The following OXR1 variants were observed in gnomAD, a reference collection of about 807,000 sequenced individuals.
OXR1 encodes the protein oxidation resistance protein 1.
Under a neutral mutation model 104.6 loss-of-function variants are expected in OXR1, and 41 were observed. The ratio of observed to expected loss-of-function variants is 0.39; its 90% confidence interval spans 0.31 to 0.51. OXR1 has a LOEUF of 0.51. Among genes scored for constraint, OXR1 ranks in the 20% least tolerant of loss-of-function variants. OXR1 has a pLI of 0.77. For synonymous variants in OXR1, 348 were observed against 348.4 expected, an observed-to-expected ratio of 1.00 and a Z score of 0.01; for missense variants, 955 against 1,031.9, an observed-to-expected ratio of 0.93 and a Z score of 1.02.
intron 8 of OXR1, among the ~76,000 whole-genome samples, chr8:106,703,741 A>G (rs1443371197): frequency 6.6e-6 from 1 of 151,646 alleles, no homozygotes; most frequent in Non-Finnish European, 1.5e-5. Context: ...ATGGCCAGAA[A>G]GAAAAGGAGG....
intron 2 of OXR1, among the ~76,000 whole-genome samples, chr8:106,449,814 A>G (rs985029192): frequency 2.6e-5 from 4 of 151,032 alleles, no homozygotes; most frequent in Admixed American, 2.0e-4. Flanking sequence ...TTGTCTTTTA[A>G]TTTTTTTTTG....
In OXR1 at chr8:106,484,647, A is replaced by C. The variant is rs115346404; in HGVS notation, c.24-34296A>C. Among the ~76,000 whole-genome samples the C allele has an allele frequency of 8.7e-3, 1,319 of 152,090 alleles. 18 individuals carry two copies. Among genetic ancestry groups the C allele is most frequent in the African/African-American group, 0.03 (1,240 of 41,528 alleles). The stretch of plus-strand genomic sequence containing the variant: ...CACTACACACCTATTAGAATGGCCA[A>C]AGTCCAGAACACTGACACTACCAAA... On this transcript the variant is annotated intron_variant, in intron 2 of 16. Transcript: ENST00000517566.
At chr8:106,478,639 A>G (rs1186483569) in intron 2 of OXR1, among the ~76,000 whole-genome samples, 1 of 151,864 alleles carries the variant, frequency 6.6e-6, no homozygotes, top group Non-Finnish European at 1.5e-5. Flanking sequence ...AGAATATTTT[A>G]GGATGACAGT....
At chr8:106,551,805 T>C (rs1586798559) in intron 3 of OXR1, among the ~76,000 whole-genome samples, 1 of 132,058 alleles carries the variant, frequency 7.6e-6, no homozygotes, top group African/African-American at 3.0e-5. Context: ...TATATATATA[T>C]ATATATATAC....
chr8:106,738,336 A>G (rs1834594635), intron 12 of OXR1, among the ~76,000 whole-genome samples: 1 of 151,872 alleles, frequency 6.6e-6, no homozygotes, highest in African/African-American at 2.4e-5. Flanking sequence ...TACCTTTCAC[A>G]TCATCAAAAT....
intron 1 of OXR1, among the ~76,000 whole-genome samples, chr8:106,358,261 C>T (rs767130867): frequency 6.6e-5 from 10 of 152,160 alleles, no homozygotes; most frequent in Non-Finnish European, 1.3e-4. Flanking sequence ...ATGCCTTGGC[C>T]TTCTCAGGTC....
chr8:106,371,970 C>A (rs536625442), intron 2 of OXR1, among the ~76,000 whole-genome samples: 2 of 152,188 alleles, frequency 1.3e-5, no homozygotes, highest in Non-Finnish European at 2.9e-5. Context: ...TAGGCAGTTG[C>A]GAGTCCCAGT....
intron 2 of OXR1, among the ~76,000 whole-genome samples, chr8:106,371,848 C>T (rs1356823631): frequency 6.6e-6 from 1 of 152,228 alleles, no homozygotes. Flanking sequence ...GTGTGTTGGG[C>T]TGTGGGGACA....
intron 15 of OXR1, among the ~76,000 whole-genome samples, chr8:106,744,763 T>C (rs1196085672): frequency 6.6e-6 from 1 of 152,152 alleles, no homozygotes; most frequent in Non-Finnish European, 1.5e-5. Context: ...CTCGGGCACA[T>C]TGGAGTGTGG....
At chr8:106,473,193 T>C (rs888761284) in intron 2 of OXR1, among the ~76,000 whole-genome samples, 1 of 151,904 alleles carries the variant, frequency 6.6e-6, no homozygotes, top group African/African-American at 2.4e-5. Flanking sequence ...AGTGTTTTTT[T>C]CAGCTCTAAG....
At chr8:106,321,619 T>C (rs1168296340) in intron 1 of OXR1, among the ~76,000 whole-genome samples, 1 of 152,172 alleles carries the variant, frequency 6.6e-6, no homozygotes, top group African/African-American at 2.4e-5. Context: ...AGAAGAAAAT[T>C]AGAGTGTAGC....
intron 2 of OXR1, among the ~76,000 whole-genome samples, chr8:106,406,985 T>C (rs1818268224): frequency 6.6e-6 from 1 of 152,154 alleles, no homozygotes. Context: ...ATACTCTGGC[T>C]GTGCGAGAGT....
At chr8:106,550,017 C>G (rs572953324) in intron 3 of OXR1, among the ~76,000 whole-genome samples, 3 of 152,308 alleles carry the variant, frequency 2.0e-5, no homozygotes, top group African/African-American at 7.2e-5. Context: ...TCCTGGATAT[C>G]TAATTTAATC....
At chr8:106,356,773 C>T (rs1449726849) in intron 1 of OXR1, among the ~76,000 whole-genome samples, 2 of 151,850 alleles carry the variant, frequency 1.3e-5, no homozygotes, top group Non-Finnish European at 2.9e-5. Context: ...TTGAATACTT[C>T]CTAAAGAAAT....
intron 2 of OXR1, among the ~76,000 whole-genome samples, chr8:106,360,472 A>G (rs1472630503): frequency 6.6e-6 from 1 of 152,144 alleles, no homozygotes; most frequent in Non-Finnish European, 1.5e-5. Flanking sequence ...TACTGGCTCA[A>G]CTTAGCTCCA....
At chr8:106,407,588 T>C (rs555148450) in intron 2 of OXR1, among the ~76,000 whole-genome samples, 60 of 152,292 alleles carry the variant, frequency 3.9e-4, no homozygotes, top group African/African-American at 1.4e-3. Flanking sequence ...AGTTAAACAG[T>C]TTCCCCAAGA....
intron 3 of OXR1, among the ~76,000 whole-genome samples, chr8:106,590,912 T>C (rs1460449926): frequency 6.6e-6 from 1 of 152,060 alleles, no homozygotes; most frequent in Non-Finnish European, 1.5e-5. Context: ...GGAAGCCCAC[T>C]CTATTTTTGG....
At chr8:106,581,895 G>T (rs577362589) in intron 3 of OXR1, among the ~76,000 whole-genome samples, 1 of 151,402 alleles carries the variant, frequency 6.6e-6, no homozygotes, top group South Asian at 2.1e-4. Flanking sequence ...GTGGTGGCAG[G>T]TGCTTGTAAT....
intron 1 of OXR1, among the ~76,000 whole-genome samples, chr8:106,285,284 G>A (rs1812449828): frequency 6.6e-6 from 1 of 152,162 alleles, no homozygotes; most frequent in Admixed American, 6.5e-5. Flanking sequence ...ATTTGAGTAA[G>A]AATGTAAAAT....
Sources: gnomAD v4.1 joint callset for allele counts (sites outside exome capture counted in the v4.1 genomes callset) on GRCh38, gnomAD v4.1.1 for gene constraint, MANE v1.5 for transcripts, NCBI Gene and HGNC (gene_info 2026-07-23, HGNC 2026-07-21) for gene names.